Variants in PTPRD observed in about 807,000 individuals in gnomAD.
PTPRD encodes protein tyrosine phosphatase receptor type D.
PTPRD carries 34 observed loss-of-function variants against 214.5 expected under a neutral mutation model. The observed-to-expected ratio is 0.16, with a 90% CI of 0.12 to 0.21. The LOEUF is 0.21. Among genes scored for constraint, PTPRD ranks in the 10% least tolerant of loss-of-function variants. PTPRD has a pLI of 1.00. For missense variants in PTPRD, 2,545 were observed against 2,398.7 expected, an observed-to-expected ratio of 1.06 and a Z score of -1.27; for synonymous variants, 1,128 against 845.7, an observed-to-expected ratio of 1.33 and a Z score of -5.79.
intron 11 of PTPRD, among the ~76,000 whole-genome samples, chr9:8,804,496 G>A (rs1182943010): frequency 2.6e-5 from 4 of 152,002 alleles, no homozygotes; most frequent in African/African-American, 9.7e-5. Flanking sequence ...TACCTGGGAG[G>A]CTGGGACGGG....
intron 3 of PTPRD, among the ~76,000 whole-genome samples, chr9:10,068,827 T>G (rs990012464): frequency 1.3e-5 from 2 of 151,948 alleles, no homozygotes; most frequent in African/African-American, 4.8e-5. Flanking sequence ...TCACTCTGTT[T>G]AGTACACATG....
intron 2 of PTPRD, among the ~76,000 whole-genome samples, chr9:10,426,890 T>C (rs914920401): frequency 6.6e-6 from 1 of 152,086 alleles, no homozygotes; most frequent in African/African-American, 2.4e-5. Flanking sequence ...TTCTGAATCT[T>C]CCAATGTTAT....
chr9:8,853,160 A>G (rs552021903), intron 11 of PTPRD, among the ~76,000 whole-genome samples: 3 of 152,218 alleles, frequency 2.0e-5, no homozygotes, highest in Non-Finnish European at 4.4e-5. Context: ...TTTCGTAAGA[A>G]TTCTAATTCA....
intron 7 of PTPRD, among the ~76,000 whole-genome samples, chr9:9,626,287 T>A (rs1304379603): frequency 1.3e-5 from 2 of 152,178 alleles, no homozygotes; most frequent in Non-Finnish European, 2.9e-5. Flanking sequence ...GTGCTAGTAA[T>A]GACTACTTTT....
intron 11 of PTPRD, among the ~76,000 whole-genome samples, chr9:8,837,025 C>CTTT (rs1183213879): frequency 3.2e-5 from 4 of 125,186 alleles, no homozygotes; most frequent in Admixed American, 8.4e-5. Flanking sequence ...CCACACCCAG[C>CTTT]TTTTTTTTTT....
chr9:9,810,992 C>T (rs897378451), intron 5 of PTPRD, among the ~76,000 whole-genome samples: 1 of 151,980 alleles, frequency 6.6e-6, no homozygotes, highest in Admixed American at 6.6e-5. Flanking sequence ...AATCCCAACA[C>T]TTTGGGAGGC....
chr9:9,705,460 C>T (rs2097582167), intron 7 of PTPRD, among the ~76,000 whole-genome samples: 2 of 152,218 alleles, frequency 1.3e-5, no homozygotes, highest in African/African-American at 4.8e-5. Flanking sequence ...TAATATAACA[C>T]ACAAAGGGCT....
chr9:9,251,616 T>A (rs187316558), intron 9 of PTPRD, among the ~76,000 whole-genome samples: 125 of 152,246 alleles, frequency 8.2e-4, no homozygotes, highest in Non-Finnish European at 1.6e-3. Flanking sequence ...TTTGTCATAC[T>A]ATATTGCTAT....
chr9:8,870,853 C>A (rs1299283187), intron 11 of PTPRD, among the ~76,000 whole-genome samples: 1 of 152,116 alleles, frequency 6.6e-6, no homozygotes, highest in Admixed American at 6.6e-5. Context: ...CAGAACTTTA[C>A]CCTCTGTCCT....
intron 5 of PTPRD, among the ~76,000 whole-genome samples, chr9:9,821,128 G>C (rs1388757395): frequency 6.6e-6 from 1 of 152,104 alleles, no homozygotes; most frequent in Non-Finnish European, 1.5e-5. Context: ...TTTCCCATTT[G>C]TGTCATCTAT....
At chr9:10,170,367 C>A (rs927604260) in intron 3 of PTPRD, among the ~76,000 whole-genome samples, 1 of 152,094 alleles carries the variant, frequency 6.6e-6, no homozygotes, top group Non-Finnish European at 1.5e-5. Context: ...TTAAATTATT[C>A]TTTGAAAGAA....
At chr9:9,214,536 C>G (rs970013798) in intron 9 of PTPRD, among the ~76,000 whole-genome samples, 2 of 150,912 alleles carry the variant, frequency 1.3e-5, no homozygotes, top group African/African-American at 4.9e-5. Flanking sequence ...AGAGGGAAAG[C>G]TGATCAAACT....
chr9:9,700,370 C>T (rs1254524917), intron 7 of PTPRD, among the ~76,000 whole-genome samples: 9 of 152,144 alleles, frequency 5.9e-5, no homozygotes, highest in Non-Finnish European at 1.5e-5. Flanking sequence ...CAGCAATATA[C>T]AAGACAATAT....
rs150040101 is a variant in PTPRD at position 9,526,610 on chromosome 9, G to C, written c.-237+48122C>G. Among the ~76,000 whole-genome samples the C allele has an allele frequency of 1.7e-3, 256 of 152,114 alleles. 1 individual carries two copies. Among genetic ancestry groups the C allele is most frequent in the African/African-American group, 6.0e-3 (251 of 41,504 alleles). On this transcript the variant is annotated intron_variant, in intron 8 of 45. Transcript: ENST00000381196. ...GTGTAAGCAAATTTGTCCTGTAATTGGACATAACTTTAATGCCACATTAAA... is the reference window on the plus strand; with the variant it reads ...GTGTAAGCAAATTTGTCCTGTAATTCGACATAACTTTAATGCCACATTAAA...
At chr9:8,664,086 T>C (rs1478990759) in intron 12 of PTPRD, among the ~76,000 whole-genome samples, 1 of 152,178 alleles carries the variant, frequency 6.6e-6, no homozygotes, top group Non-Finnish European at 1.5e-5. Context: ...ACCAACATCA[T>C]CTGGAGACTG....
At chr9:9,093,980 G>A (rs1180142669) in intron 10 of PTPRD, among the ~76,000 whole-genome samples, 1 of 151,686 alleles carries the variant, frequency 6.6e-6, no homozygotes, top group Non-Finnish European at 1.5e-5. Context: ...AAGGGATATA[G>A]GACCTCAATA....
chr9:10,375,902 T>A (rs1314351613), intron 2 of PTPRD, among the ~76,000 whole-genome samples: 1 of 152,068 alleles, frequency 6.6e-6, no homozygotes, highest in Non-Finnish European at 1.5e-5. Flanking sequence ...AATTTGCATT[T>A]ATCCTTTCAT....
At chr9:10,282,071 A>G (rs1452604378) in intron 3 of PTPRD, among the ~76,000 whole-genome samples, 1 of 152,042 alleles carries the variant, frequency 6.6e-6, no homozygotes, top group Non-Finnish European at 1.5e-5. Context: ...TTTTAGGCTT[A>G]TGAAGAAATG....
chr9:10,145,668 A>G (rs1007706226), intron 3 of PTPRD, among the ~76,000 whole-genome samples: 2 of 152,046 alleles, frequency 1.3e-5, no homozygotes, highest in Non-Finnish European at 1.5e-5. Context: ...TGTGCATGGG[A>G]TTGGTACCAT....
Sources: gnomAD v4.1 joint callset for allele counts (sites outside exome capture counted in the v4.1 genomes callset) on GRCh38, gnomAD v4.1.1 for gene constraint, MANE v1.5 for transcripts, NCBI Gene and HGNC (gene_info 2026-07-23, HGNC 2026-07-21) for gene names.